BRINP3: variants seen among roughly 807,000 people sequenced by gnomAD.
BRINP3 encodes BMP/retinoic acid-inducible neural-specific protein 3.
In BRINP3, 19 loss-of-function variants were observed where a neutral mutation model predicts 71.0. The ratio of observed to expected loss-of-function variants is 0.27; its 90% CI spans 0.19 to 0.39. BRINP3 has a LOEUF of 0.39. Ranked by LOEUF, BRINP3 falls within the 10% of genes least tolerant of loss-of-function variation. The probability of loss-of-function intolerance (pLI) is 1.00; values close to 1 mark genes in which losing one functional copy is unlikely to be tolerated. For missense variants in BRINP3, 959 were observed against 940.8 expected (o/e 1.02, Z -0.25); for synonymous variants, 380 against 337.7 (o/e 1.13, Z -1.37).
At chr1:190,269,261 A>C (rs1278771896) in intron 3 of BRINP3, among the ~76,000 whole-genome samples, 1 of 152,136 alleles carries the variant, frequency 6.6e-6, no homozygotes, top group African/African-American at 2.4e-5. Flanking sequence ...AACAAGGGAG[A>C]TGATTCTATC....
intron 6 of BRINP3, among the ~76,000 whole-genome samples, chr1:190,214,686 AGG>A (rs1451085064): frequency 1.3e-5 from 2 of 151,924 alleles, no homozygotes; most frequent in Non-Finnish European, 2.9e-5. Flanking sequence ...TTTTGCCTTT[AGG>A]GGTTGCTGTC....
At chr1:190,449,523 C>T (rs1171023) in intron 2 of BRINP3, among the ~76,000 whole-genome samples, 56,239 of 151,728 alleles carry the variant, frequency 0.37, 11,746 homozygotes, top group Non-Finnish European at 0.47. Context: ...CTCATACTGT[C>T]ATGTAATGCA....
intron 6 of BRINP3, among the ~76,000 whole-genome samples, chr1:190,163,120 T>A (rs1298691163): frequency 1.3e-5 from 2 of 152,080 alleles, no homozygotes; most frequent in African/African-American, 4.8e-5. Context: ...ATTAGTAAAA[T>A]TTATATTTAT....
rs1415474307 is a variant in BRINP3, at chr1:190,099,022, C to T, written c.1297G>A (p.Val433Met). ...THSCTCPNDQ[V>M]VCTAFLPCTV... The stretch of plus-strand genomic sequence containing the variant: ...CAGGGCAGGAACGCGGTGCAGACCA[C>T]CTGGTCATTCGGACACGTGCACGAG... Residue 433 changes from valine to methionine, a missense_variant, in exon 8 of 8, where the codon GTG becomes ATG. Physicochemically the swap from Val to Met is conservative, Grantham distance 21. Transcript: ENST00000367462. 2 of 1,614,176 alleles carry T rather than the reference C, an allele frequency of 1.2e-6. No homozygotes were observed. Among genetic ancestry groups the T allele is most frequent in the South Asian group, 1.1e-5 (1 of 91,082 alleles).
At chr1:190,464,136 TG>T (rs1676580207) in intron 1 of BRINP3, among the ~76,000 whole-genome samples, 1 of 141,840 alleles carries the variant, frequency 7.1e-6, no homozygotes. Flanking sequence ...TTTCAAAAAG[TG>T]TTTTTTTTTA....
chr1:190,379,935 T>A (rs1332536246), intron 2 of BRINP3, among the ~76,000 whole-genome samples: 2 of 140,312 alleles, frequency 1.4e-5, no homozygotes, highest in African/African-American at 2.6e-5. Context: ...GTGGCGGAGG[T>A]TGCAGTGAGC....
intron 7 of BRINP3, among the ~76,000 whole-genome samples, chr1:190,121,629 G>A (rs1451140621): frequency 6.6e-6 from 1 of 152,054 alleles, no homozygotes; most frequent in Non-Finnish European, 1.5e-5. Flanking sequence ...TTTCCATATG[G>A]AAACCTTGCA....
chr1:190,457,849 A>T (rs1239904762), intron 1 of BRINP3, among the ~76,000 whole-genome samples: 1 of 152,090 alleles, frequency 6.6e-6, no homozygotes, highest in Non-Finnish European at 1.5e-5. Context: ...TGAATTACCC[A>T]GAACCACTTT....
intron 1 of BRINP3, among the ~76,000 whole-genome samples, chr1:190,467,681 AT>A (rs1319128404): frequency 6.6e-6 from 1 of 151,554 alleles, no homozygotes. Flanking sequence ...CCAATATACA[AT>A]TTTGAGAACA....
intron 2 of BRINP3, among the ~76,000 whole-genome samples, chr1:190,312,419 T>G (rs986689167): frequency 4.6e-5 from 7 of 151,494 alleles, no homozygotes; most frequent in African/African-American, 1.7e-4. Flanking sequence ...AAAAAATACT[T>G]TATCCTTCCC....
At chr1:190,286,353 G>A (rs1663424850) in intron 2 of BRINP3, among the ~76,000 whole-genome samples, 1 of 152,044 alleles carries the variant, frequency 6.6e-6, no homozygotes, top group African/African-American at 2.4e-5. Flanking sequence ...TTGCCACATT[G>A]CCATTAACCT....
chr1:190,102,930 G>A (rs1171569018), intron 7 of BRINP3, among the ~76,000 whole-genome samples: 2 of 152,150 alleles, frequency 1.3e-5, no homozygotes, highest in East Asian at 1.9e-4. Flanking sequence ...GGCCATTAAT[G>A]TTTATACCAC....
intron 2 of BRINP3, among the ~76,000 whole-genome samples, chr1:190,419,772 T>C (rs1316341150): frequency 1.3e-5 from 2 of 151,010 alleles, no homozygotes; most frequent in South Asian, 2.1e-4. Flanking sequence ...AAACTAGTAA[T>C]GAAACAATAG....
chr1:190,121,648 A>C (rs2102319768), intron 7 of BRINP3, among the ~76,000 whole-genome samples: 1 of 152,308 alleles, frequency 6.6e-6, no homozygotes, highest in Admixed American at 6.5e-5. Context: ...CATAAGCATT[A>C]ATATAAAAGT....
At chr1:190,335,572 T>C (rs928059916) in intron 2 of BRINP3, among the ~76,000 whole-genome samples, 1 of 151,762 alleles carries the variant, frequency 6.6e-6, no homozygotes, top group African/African-American at 2.4e-5. Flanking sequence ...TATATTTATT[T>C]TCTGAAGTTT....
At chr1:190,431,042 T>A (rs1287133767) in intron 2 of BRINP3, among the ~76,000 whole-genome samples, 1 of 152,126 alleles carries the variant, frequency 6.6e-6, no homozygotes, top group East Asian at 1.9e-4. Context: ...CTGGAAGGTC[T>A]CAGGAAATAG....
intron 2 of BRINP3, among the ~76,000 whole-genome samples, chr1:190,323,347 T>C (rs934489139): frequency 6.6e-6 from 1 of 151,972 alleles, no homozygotes; most frequent in Non-Finnish European, 1.5e-5. Context: ...AAATGTTGCA[T>C]ACCAAAATGA....
At chr1:190,249,489 A>G (rs1659920159) in intron 4 of BRINP3, among the ~76,000 whole-genome samples, 1 of 152,032 alleles carries the variant, frequency 6.6e-6, no homozygotes, top group African/African-American at 2.4e-5. Context: ...AAATTAATAG[A>G]TTTTTCAAAT....
intron 1 of BRINP3, 68 bp downstream of exon 1, chr1:190,477,380 A>G (rs1174080144): frequency 2.6e-5 from 4 of 152,228 alleles, no homozygotes; most frequent in South Asian, 2.1e-4. Context: ...GAAATACTTC[A>G]ACAAAACAGA....
Sources: allele counts gnomAD v4.1 joint callset (sites outside exome capture counted in the v4.1 genomes callset), GRCh38; gene constraint gnomAD v4.1.1; transcripts MANE v1.5; gene names NCBI Gene and HGNC (gene_info 2026-07-23, HGNC 2026-07-21).